The following SETDB2 variants were observed in gnomAD, a reference collection of about 807,000 sequenced individuals.
The protein encoded by SETDB2 is SET domain bifurcated histone lysine methyltransferase 2, also known as histone-lysine N-methyltransferase SETDB2.
In SETDB2, 56 loss-of-function variants were observed where a neutral mutation model predicts 82.5. The observed-to-expected ratio is 0.68, with a 90% CI of 0.55 to 0.85. The LOEUF (loss-of-function observed/expected upper bound fraction) is 0.85, where lower values mean the gene tolerates loss of function less well. Among genes scored for constraint, SETDB2 ranks in the 40% least tolerant of loss-of-function variants. SETDB2 has a pLI of 0.00. For missense variants in SETDB2, 677 were observed against 816.4 expected, an observed-to-expected ratio of 0.83 and a Z score of 2.08; for synonymous variants, 272 against 284.9, an observed-to-expected ratio of 0.95 and a Z score of 0.46.
At chr13:49,460,423 G>A (rs1957969779) in intron 3 of SETDB2, among the ~76,000 whole-genome samples, 191 bp downstream of exon 3, 1 of 151,680 alleles carries the variant, frequency 6.6e-6, no homozygotes, top group South Asian at 2.1e-4. Context: ...TTAGGGGAAT[G>A]TTGCAAAAGT....
intron 11 of SETDB2, among the ~76,000 whole-genome samples, chr13:49,486,776 A>G (rs1958606161): frequency 6.6e-6 from 1 of 152,204 alleles, no homozygotes; most frequent in African/African-American, 2.4e-5. Flanking sequence ...AACTGGACAA[A>G]CATTGTTTTT....
intron 2 of SETDB2, among the ~76,000 whole-genome samples, chr13:49,456,892 G>A (rs559190478): frequency 6.6e-6 from 1 of 152,222 alleles, no homozygotes; most frequent in African/African-American, 2.4e-5. Context: ...AAATGATCAA[G>A]AAGGAAGACA....
chr13:49,445,560 C>T (rs1253880954), intron 1 of SETDB2: 1 of 152,136 alleles, frequency 6.6e-6, no homozygotes, highest in East Asian at 1.9e-4. Context: ...CAGATTTTCT[C>T]CAGGAAACAT....
At chr13:49,464,838 G>C (rs1218375193) in intron 4 of SETDB2, among the ~76,000 whole-genome samples, 3 of 151,946 alleles carry the variant, frequency 2.0e-5, no homozygotes, top group Admixed American at 1.3e-4. Context: ...GAGGTGGGAG[G>C]ATCACCTGAG....
chr13:49,453,399 C>T (rs1957819145), intron 2 of SETDB2, among the ~76,000 whole-genome samples: 1 of 151,808 alleles, frequency 6.6e-6, no homozygotes, highest in Admixed American at 6.6e-5. Flanking sequence ...TGGGTTCAAG[C>T]AATTCTCTTG....
At chr13:49,459,752 C>A (rs1340681436) in intron 2 of SETDB2, among the ~76,000 whole-genome samples, 1 of 152,048 alleles carries the variant, frequency 6.6e-6, no homozygotes, top group Non-Finnish European at 1.5e-5. Context: ...ATTCTGAAAC[C>A]ACACTCGGTG....
chr13:49,476,436 C>G (rs1958363699), intron 5 of SETDB2, 40 bp from the exon 6 acceptor site: 1 of 1,307,170 alleles, frequency 7.7e-7, no homozygotes, highest in African/African-American at 1.5e-5. Flanking sequence ...AGGAATTGAA[C>G]TATAAATTTG....
chr13:49,444,985 G>T (rs564724466), intron 1 of SETDB2, 128 bp downstream of exon 1: 1 of 152,318 alleles, frequency 6.6e-6, no homozygotes, highest in East Asian at 1.9e-4. Context: ...AGTAAGGAAA[G>T]ATATGTAATT....
At chr13:49,463,398 GCA>G (rs1958037382) in intron 4 of SETDB2, among the ~76,000 whole-genome samples, 1 of 152,158 alleles carries the variant, frequency 6.6e-6, no homozygotes, top group Non-Finnish European at 1.5e-5. Context: ...TTTATTGAGT[GCA>G]CTCAGACCCA....
Position 49,451,757 on chromosome 13 carries a change from A to G in SETDB2, c.-137A>G. ...AGTATCAAAGGATACCAGGTTTAGAATGGTATAATGATGTATTTTGTCTGA... is the reference window on the plus strand; with the variant it reads ...AGTATCAAAGGATACCAGGTTTAGAGTGGTATAATGATGTATTTTGTCTGA... On this transcript the variant is annotated 5_prime_UTR_variant, in exon 2 of 14. It removes an upstream start codon present in the reference 5' UTR. Coordinates refer to ENST00000611815, the MANE Select transcript of SETDB2 (RefSeq NM_001160308.3). The G allele has an allele frequency of 1.2e-5, 6 of 519,808 alleles. No homozygotes were observed. Among genetic ancestry groups the G allele is most frequent in the Non-Finnish European group, 2.0e-5 (6 of 294,582 alleles). 32.2% of individuals were successfully genotyped at this position (519,808 alleles called of 1,614,324 possible).
chr13:49,487,583 CCTCCT>C (rs1324889674), intron 11 of SETDB2, among the ~76,000 whole-genome samples: 1 of 152,188 alleles, frequency 6.6e-6, no homozygotes, highest in East Asian at 1.9e-4. Context: ...CCTCAAGCAT[CCTCCT>C]GCCTTGGCCT....
At position 49,483,396 on chromosome 13, in the gene SETDB2, T is replaced by C. The variant is rs1481385185; in HGVS notation, c.1383-68T>C. On this transcript the variant is annotated intron_variant, in intron 9 of 13. Transcript: ENST00000611815. ...GATATTTATGTAATAATGGATATTATCTGTACTTGAGTAAAGAGAATGAAG... is the reference window on the plus strand; with the variant it reads ...GATATTTATGTAATAATGGATATTACCTGTACTTGAGTAAAGAGAATGAAG... 7.0e-6 allele frequency: 4 copies of C among 568,754 alleles called. 1 individual carries two copies. The African/African-American group carries it at 8.0e-5, about 11-fold the overall frequency. The allele number at this position is 568,754 out of a possible 1,614,324, so 35.2% of individuals were successfully genotyped here. A position where few individuals can be genotyped will look rare whatever the true frequency, so the allele number is the denominator to read the frequency against.
chr13:49,485,487 T>C (rs1958579982), intron 10 of SETDB2, 143 bp from the exon 11 acceptor site: 1 of 638,066 alleles, frequency 1.6e-6, no homozygotes, highest in Admixed American at 2.9e-5. Flanking sequence ...GTCTAAAGAC[T>C]CCTTATGATA....
chr13:49,452,026 AG>A, intron 2 of SETDB2, 117 bp downstream of exon 2: 1 of 611,764 alleles, frequency 1.6e-6, no homozygotes. Context: ...TCTGAATTAG[AG>A]GGAATTAAGG....
intron 6 of SETDB2, among the ~76,000 whole-genome samples, chr13:49,479,049 CA>C: frequency 6.6e-6 from 1 of 151,616 alleles, no homozygotes; most frequent in East Asian, 1.9e-4. Flanking sequence ...TATTGAACAA[CA>C]AAAAAAGCAA....
At chr13:49,454,553 G>A (rs189332850) in intron 2 of SETDB2, among the ~76,000 whole-genome samples, 2 of 152,220 alleles carry the variant, frequency 1.3e-5, no homozygotes, top group East Asian at 3.9e-4. Flanking sequence ...AAGTTACTTA[G>A]GTCAGTACCT....
Position 49,460,256 on chromosome 13 carries a change from A to G in SETDB2, c.142+24A>G, listed in dbSNP as rs148731175. The G allele has an allele frequency of 7.5e-4, 1,197 of 1,606,588 alleles. 12 individuals are homozygous for G. The East Asian group carries it at 0.014, about 18-fold the overall frequency. On this transcript the variant is annotated intron_variant, in intron 3 of 13. Transcript: ENST00000611815. Reference sequence around the variant, plus strand: ...AGGTATGAAGCAATAAAAACTTTGAATATGTTTAATACTAAATATTTCTCT... The same window carrying G: ...AGGTATGAAGCAATAAAAACTTTGAGTATGTTTAATACTAAATATTTCTCT...
chr13:49,463,171 AT>A (rs34485321), intron 4 of SETDB2, among the ~76,000 whole-genome samples: 105,050 of 148,478 alleles, frequency 0.71, 37,483 homozygotes, highest in African/African-American at 0.82. Flanking sequence ...ACACCCGGTG[AT>A]TTTTTTTTTT....
chr13:49,448,699 A>G (rs1389921080), intron 1 of SETDB2, among the ~76,000 whole-genome samples: 2 of 152,154 alleles, frequency 1.3e-5, no homozygotes, highest in Non-Finnish European at 2.9e-5. Context: ...TGTAAATTTC[A>G]TGCTTTTCCT....
Sources: gnomAD v4.1 joint callset for allele counts (sites outside exome capture counted in the v4.1 genomes callset) on GRCh38, gnomAD v4.1.1 for gene constraint, MANE v1.5 for transcripts, NCBI Gene and HGNC (gene_info 2026-07-23, HGNC 2026-07-21) for gene names.